Variants in CELF2 observed in about 807,000 individuals in gnomAD.
CELF2 encodes CUGBP Elav-like family member 2.
CELF2 carries 8 observed loss-of-function variants against 62.6 expected under a neutral mutation model. The observed-to-expected ratio is 0.13, with a 90% CI of 0.07 to 0.23. CELF2 has a LOEUF of 0.23. Ranked by LOEUF, CELF2 falls within the 10% of genes least tolerant of loss-of-function variation. CELF2 has a pLI of 1.00. For missense variants in CELF2, 333 were observed against 671.0 expected, an observed-to-expected ratio of 0.50 and a Z score of 5.56; for synonymous variants, 258 against 250.0, an observed-to-expected ratio of 1.03 and a Z score of -0.30.
At chr10:11,210,980 A>C (rs1185466341) in intron 2 of CELF2, among the ~76,000 whole-genome samples, 1 of 152,234 alleles carries the variant, frequency 6.6e-6, no homozygotes, top group African/African-American at 2.4e-5. Flanking sequence ...CATGAAAGTA[A>C]TTTTTAAAAC....
upstream of CELF2, among the ~76,000 whole-genome samples, chr10:10,796,717 G>A (rs903138633): frequency 2.6e-5 from 4 of 152,140 alleles, no homozygotes; most frequent in Non-Finnish European, 4.4e-5. Flanking sequence ...CAAAGCACCC[G>A]GAACCCTTTG....
At chr10:11,295,694 C>T (rs759085103) in intron 9 of CELF2, among the ~76,000 whole-genome samples, 2 of 152,200 alleles carry the variant, frequency 1.3e-5, no homozygotes, top group Non-Finnish European at 2.9e-5. Flanking sequence ...GCATGACACA[C>T]AAACCAGGTG....
chr10:10,695,040 C>G, the CELF2 span, among the ~76,000 whole-genome samples: 1 of 149,078 alleles, frequency 6.7e-6, no homozygotes, highest in Non-Finnish European at 1.5e-5. Flanking sequence ...TGAATTTGAT[C>G]CTGTCATTAT....
rs1328846319 is a variant in CELF2, at chr10:11,005,947, T to C, written c.53+507T>C. The stretch of plus-strand genomic sequence containing the variant: ...GATCACTTTATCCTGTTTGCCAAAA[T>C]GTGTACCCGTTTGGAGACCTCTTTC... On this transcript the variant is annotated intron_variant, in intron 1 of 12. Coordinates refer to the CELF2 transcript ENST00000416382. This position sits in a 1 kb window ranked among gnomAD's most constrained non-coding sequence, Gnocchi z 4.3. 6.6e-6 allele frequency among the ~76,000 whole-genome samples: 1 copy of C among 152,182 alleles called. No individual in the cohort carries two copies. The highest frequency in any genetic ancestry group is 1.9e-4 in the East Asian group (1 of 5,198).
At chr10:11,162,049 G>T (rs1465432921) in intron 1 of CELF2, among the ~76,000 whole-genome samples, 2 of 152,162 alleles carry the variant, frequency 1.3e-5, no homozygotes, top group African/African-American at 2.4e-5. Flanking sequence ...GGATGAGAAG[G>T]GAGTAAACCA....
intron 1 of CELF2, among the ~76,000 whole-genome samples, chr10:11,128,990 T>G (rs1423134902): frequency 6.6e-6 from 1 of 152,224 alleles, no homozygotes; most frequent in Admixed American, 6.5e-5. Context: ...TTTTTGCCCA[T>G]TCAGTATGAT....
the CELF2 span, among the ~76,000 whole-genome samples, chr10:10,755,898 A>G: frequency 6.6e-6 from 1 of 152,166 alleles, no homozygotes; most frequent in African/African-American, 2.4e-5. Flanking sequence ...AACTTGCCAA[A>G]AATTCTTTTT....
chr10:10,940,035 T>C (rs184407038), intron 2 of CELF2, among the ~76,000 whole-genome samples: 1 of 152,312 alleles, frequency 6.6e-6, no homozygotes, highest in Non-Finnish European at 1.5e-5. Context: ...GAGATAGTTT[T>C]TGAAAATAGC....
At chr10:10,950,728 C>A (rs961386954) in intron 2 of CELF2, among the ~76,000 whole-genome samples, 1 of 152,150 alleles carries the variant, frequency 6.6e-6, no homozygotes, top group African/African-American at 2.4e-5. Flanking sequence ...GATTAAATTG[C>A]CTCGGGGCAC....
chr10:10,513,942 G>A, the CELF2 span, among the ~76,000 whole-genome samples: 10 of 152,126 alleles, frequency 6.6e-5, no homozygotes, highest in Non-Finnish European at 1.0e-4. Context: ...GCTAAGCCTC[G>A]ATCCCTCTCT....
the CELF2 span, among the ~76,000 whole-genome samples, chr10:10,685,900 T>C: frequency 0.01 from 1,567 of 152,284 alleles, 27 homozygotes; most frequent in African/African-American, 0.036. Context: ...CATGGAATAA[T>C]TGTTTCCTAG....
chr10:10,778,091 G>A, the CELF2 span, among the ~76,000 whole-genome samples: 1 of 152,158 alleles, frequency 6.6e-6, no homozygotes, highest in South Asian at 2.1e-4. Flanking sequence ...CCATATTTTG[G>A]AAAGAGTCCA....
chr10:11,017,825 C>G (rs1231736580), upstream of CELF2: 3 of 428,022 alleles, frequency 7.0e-6, no homozygotes, highest in African/African-American at 6.5e-5. This position sits in a 1 kb window ranked among gnomAD's most constrained non-coding sequence, Gnocchi z 5.5. Flanking sequence ...CGCTCTGGGC[C>G]GGCGGGCCCG....
At chr10:10,869,728 G>A (rs1291837282) in intron 1 of CELF2, among the ~76,000 whole-genome samples, 1 of 152,114 alleles carries the variant, frequency 6.6e-6, no homozygotes, top group Non-Finnish European at 1.5e-5. Flanking sequence ...TTCGTATGGT[G>A]TCTACTTCCT....
At chr10:11,108,113 T>TCCCTCTCCCCCCC (rs2054116625) in intron 1 of CELF2, among the ~76,000 whole-genome samples, 1 of 46,846 alleles carries the variant, frequency 2.1e-5, no homozygotes, top group Non-Finnish European at 4.0e-5. Flanking sequence ...CTCTCCCCAC[T>TCCCTCTCCCCCCC]CCTTGCCTTC....
At chr10:11,124,602 C>T (rs1382819298) in intron 1 of CELF2, among the ~76,000 whole-genome samples, 1 of 152,132 alleles carries the variant, frequency 6.6e-6, no homozygotes, top group African/African-American at 2.4e-5. Flanking sequence ...ATGGGAAGTT[C>T]AGTAAGGCAT....
At chr10:11,033,987 G>A (rs1320191378) in intron 1 of CELF2, among the ~76,000 whole-genome samples, 1 of 152,196 alleles carries the variant, frequency 6.6e-6, no homozygotes, top group Non-Finnish European at 1.5e-5. Flanking sequence ...CAGTGAATAA[G>A]AGTTGCAGTT....
upstream of CELF2, chr10:10,797,011 T>A: frequency 2.5e-6 from 1 of 403,014 alleles, no homozygotes; most frequent in Non-Finnish European, 3.4e-6. Context: ...AAAACAAATC[T>A]AAACAGAGGG....
the CELF2 span, among the ~76,000 whole-genome samples, chr10:10,602,794 T>G: frequency 6.6e-6 from 1 of 152,092 alleles, no homozygotes; most frequent in African/African-American, 2.4e-5. Context: ...GCTCACCATG[T>G]GCCACAGAAC....
Sources: gnomAD v4.1 joint callset for allele counts (sites outside exome capture counted in the v4.1 genomes callset) on GRCh38, gnomAD v4.1.1 for gene constraint, Gnocchi (gnomAD v3.1) non-coding constraint, MANE v1.5 for transcripts, NCBI Gene and HGNC (gene_info 2026-07-23, HGNC 2026-07-21) for gene names.